The following CSMD1 variants were observed in gnomAD, a reference collection of about 807,000 sequenced individuals.
The protein encoded by CSMD1 is CUB and sushi domain-containing protein 1.
A neutral mutation model predicts 417.5 loss-of-function variants in CSMD1; 213 were observed. The observed-to-expected ratio is 0.51, with a 90% CI of 0.46 to 0.57. The LOEUF (loss-of-function observed/expected upper bound fraction) is 0.57. Among genes scored for constraint, CSMD1 ranks in the 20% least tolerant of loss-of-function variants. The pLI is 0.00. For synonymous variants in CSMD1, 2,862 were observed against 1,736.8 expected, an observed-to-expected ratio of 1.65 and a Z score of -16.11; for missense variants, 6,923 against 4,529.7, an observed-to-expected ratio of 1.53 and a Z score of -15.17.
At chr8:4,504,977 T>A (rs1347645023) in intron 2 of CSMD1, among the ~76,000 whole-genome samples, 1 of 152,230 alleles carries the variant, frequency 6.6e-6, no homozygotes, top group African/African-American at 2.4e-5. Context: ...GAATGATTTA[T>A]AATCCTTTGG....
chr8:3,110,295 G>C lies in CSMD1; in HGVS notation c.6471C>G (p.Ile2157Met), dbSNP rs769267348. The C allele has an allele frequency of 6.8e-6, 11 of 1,613,326 alleles. No individual in the cohort carries two copies. The highest frequency in any genetic ancestry group is 6.7e-5 in the African/African-American group (5 of 74,924). ...GYNVTSQNGT[I>M]YSPGFPDEYP... is the part of the protein sequence containing the mutation. ...ACTCATCAGGAAAGCCAGGGGAGTA[G>C]ATGGTGCCGTTCTGAGAAGTTACGT... is the stretch of plus-strand genomic sequence containing the variant. The change falls in exon 43 of 70, where the codon ATC (isoleucine) becomes ATG (methionine). Residue 2157 changes from isoleucine to methionine, a missense_variant. Coordinates refer to ENST00000635120, the MANE Select transcript of CSMD1 (RefSeq NM_033225.6).
intron 42 of CSMD1, among the ~76,000 whole-genome samples, chr8:3,117,949 T>C (rs1345209886): frequency 1.3e-5 from 2 of 152,202 alleles, no homozygotes; most frequent in African/African-American, 4.8e-5. Context: ...AGCTCATTTT[T>C]CTGAAATGCA....
intron 3 of CSMD1, among the ~76,000 whole-genome samples, chr8:4,316,847 C>T (rs986764696): frequency 1.3e-5 from 2 of 152,080 alleles, no homozygotes; most frequent in Admixed American, 1.3e-4. Context: ...TTGGTAGCTG[C>T]TTCTATTAGT....
At chr8:3,234,502 A>G (rs1799035517) in intron 26 of CSMD1, among the ~76,000 whole-genome samples, 1 of 151,580 alleles carries the variant, frequency 6.6e-6, no homozygotes, top group African/African-American at 2.4e-5. Context: ...TCTAGAAGAG[A>G]GTGCTTGGGT....
chr8:3,749,300 T>G (rs899750805), intron 6 of CSMD1, among the ~76,000 whole-genome samples: 4 of 152,232 alleles, frequency 2.6e-5, no homozygotes, highest in African/African-American at 9.6e-5. Flanking sequence ...CAGCAGATAT[T>G]GCAAATATAT....
intron 5 of CSMD1, among the ~76,000 whole-genome samples, chr8:3,994,336 C>T (rs185316283): frequency 1.3e-5 from 2 of 151,076 alleles, no homozygotes; most frequent in Non-Finnish European, 2.9e-5. Context: ...CGTTAACCAT[C>T]ATGTCTTAAT....
intron 2 of CSMD1, among the ~76,000 whole-genome samples, chr8:4,448,871 C>G (rs1208421581): frequency 6.6e-6 from 1 of 152,148 alleles, no homozygotes; most frequent in Non-Finnish European, 1.5e-5. Context: ...ATCCAATTCT[C>G]TTATTCACCA....
chr8:2,999,919 G>T (rs770601188), intron 53 of CSMD1, 39 bp downstream of exon 53: 1 of 1,553,170 alleles, frequency 6.4e-7, no homozygotes, highest in South Asian at 1.2e-5. Context: ...TGTGGCAAAA[G>T]GAAGCATCGA....
chr8:4,626,941 G>A (rs1372259830), intron 2 of CSMD1, among the ~76,000 whole-genome samples: 1 of 152,130 alleles, frequency 6.6e-6, no homozygotes, highest in Non-Finnish European at 1.5e-5. Context: ...AAGTGCATCA[G>A]ATTTCTCTGC....
chr8:4,118,425 T>TA (rs1802285650), intron 3 of CSMD1, among the ~76,000 whole-genome samples: 1 of 151,152 alleles, frequency 6.6e-6, no homozygotes, highest in South Asian at 2.1e-4. Flanking sequence ...TCAAAAAGTA[T>TA]ACAAAGGATA....
chr8:4,742,000 C>CTTTTTTT lies in CSMD1; in HGVS notation c.86-104449_86-104443dup, dbSNP rs71209120. ...AGGTCCGCACGCACCACCACACCCACTTTTTTTTTTTTTTTTTTTTTTTTT... is the reference window on the plus strand; with the variant it reads ...AGGTCCGCACGCACCACCACACCCACTTTTTTTTTTTTTTTTTTTTTTTTTTTTTTTT... On this transcript the variant is annotated intron_variant, in intron 1 of 69. Transcript: ENST00000635120. 9.5e-5 allele frequency among the ~76,000 whole-genome samples: 7 copies of CTTTTTTT among 73,818 alleles called. 3 individuals carry two copies. The highest frequency in any genetic ancestry group is 1.3e-4 in the Non-Finnish European group (5 of 37,162). 48.4% of individuals were successfully genotyped at this position (73,818 alleles called of 152,430 possible). A position where few individuals can be genotyped will look rare whatever the true frequency, so the allele number is the denominator to read the frequency against.
At chr8:4,014,639 C>T (rs979722906) in intron 4 of CSMD1, among the ~76,000 whole-genome samples, 3 of 152,148 alleles carry the variant, frequency 2.0e-5, no homozygotes, top group African/African-American at 4.8e-5. Flanking sequence ...AAATTCAGAG[C>T]CTGGGTCTTA....
rs186946534 is a variant in CSMD1, at chr8:3,677,211, C to G, written c.1009+31203G>C. Among the ~76,000 whole-genome samples the G allele has an allele frequency of 7.9e-5, 12 of 152,182 alleles. 1 individual carries two copies. The East Asian group carries it at 1.9e-3, about 24-fold the overall frequency. On this transcript the variant is annotated intron_variant, in intron 7 of 69. Coordinates refer to ENST00000635120, the MANE Select transcript of CSMD1 (RefSeq NM_033225.6). ...CGTATATAAGACTTATAGAAATACA[C>G]ACAAGGAAAACACCGCTTAAAAGTC...
intron 2 of CSMD1, among the ~76,000 whole-genome samples, chr8:4,553,260 T>C (rs1300771620): frequency 4.6e-5 from 7 of 152,198 alleles, no homozygotes; most frequent in African/African-American, 1.7e-4. Context: ...AATGTAACAG[T>C]TCCTCATTCC....
intron 3 of CSMD1, among the ~76,000 whole-genome samples, chr8:4,120,675 G>C (rs1282995761): frequency 6.6e-6 from 1 of 152,222 alleles, no homozygotes. Context: ...GACTTTTAAA[G>C]AAGTAAGTTT....
At chr8:3,766,386 A>G (rs1392754258) in intron 5 of CSMD1, among the ~76,000 whole-genome samples, 2 of 152,180 alleles carry the variant, frequency 1.3e-5, no homozygotes, top group Admixed American at 6.5e-5. Context: ...CGAAACCTCC[A>G]AGTGCCTGTT....
intron 3 of CSMD1, among the ~76,000 whole-genome samples, chr8:4,305,718 C>G (rs75733625): frequency 2.0e-5 from 3 of 152,184 alleles, no homozygotes; most frequent in Admixed American, 6.5e-5. Flanking sequence ...GGAATGATCT[C>G]TTGCATGTAC....
At chr8:4,108,295 G>C (rs1014690989) in intron 3 of CSMD1, among the ~76,000 whole-genome samples, 1 of 152,172 alleles carries the variant, frequency 6.6e-6, no homozygotes, top group African/African-American at 2.4e-5. Context: ...TGGGAAGCCA[G>C]TAAACTCATA....
At chr8:4,193,754 T>C (rs748161779) in intron 3 of CSMD1, among the ~76,000 whole-genome samples, 1 of 152,102 alleles carries the variant, frequency 6.6e-6, no homozygotes, top group Non-Finnish European at 1.5e-5. Flanking sequence ...CAAGTGATTT[T>C]GGCTGGCAAG....
Sources: allele counts gnomAD v4.1 joint callset (sites outside exome capture counted in the v4.1 genomes callset), GRCh38; gene constraint gnomAD v4.1.1; transcripts MANE v1.5; gene names NCBI Gene and HGNC (gene_info 2026-07-23, HGNC 2026-07-21).